Variants in ARHGAP26 observed in about 807,000 individuals in gnomAD.
ARHGAP26 encodes rho GTPase-activating protein 26.
In ARHGAP26, 38 loss-of-function variants were observed where a neutral mutation model predicts 104.8. The ratio of observed to expected loss-of-function variants is 0.36; its 90% CI spans 0.28 to 0.48. The LOEUF is 0.48. Ranked by LOEUF, ARHGAP26 falls within the 20% of genes least tolerant of loss-of-function variation. The probability of loss-of-function intolerance (pLI) is 0.99; values close to 1 mark genes in which losing one functional copy is unlikely to be tolerated. For synonymous variants in ARHGAP26, 341 were observed against 340.0 expected, an observed-to-expected ratio of 1.00 and a Z score of -0.03; for missense variants, 704 against 947.9, an observed-to-expected ratio of 0.74 and a Z score of 3.38.
intron 12 of ARHGAP26, among the ~76,000 whole-genome samples, chr5:143,016,806 G>C (rs1225465409): frequency 6.6e-6 from 1 of 151,958 alleles, no homozygotes; most frequent in Non-Finnish European, 1.5e-5. Context: ...CCAGTGTGAT[G>C]GTCTGGTTTA....
intron 1 of ARHGAP26, among the ~76,000 whole-genome samples, chr5:142,847,133 G>A (rs1462321316): frequency 6.6e-6 from 1 of 152,144 alleles, no homozygotes; most frequent in African/African-American, 2.4e-5. Flanking sequence ...TCTGTGAAAC[G>A]GGGATAACAG....
chr5:143,114,643 C>T (rs1172394354), intron 17 of ARHGAP26, among the ~76,000 whole-genome samples: 1 of 152,152 alleles, frequency 6.6e-6, no homozygotes, highest in East Asian at 1.9e-4. Flanking sequence ...GTTACCCACC[C>T]ACTTACCTAT....
chr5:143,077,665 T>TGACA (rs1789233447), intron 17 of ARHGAP26, among the ~76,000 whole-genome samples: 1 of 152,240 alleles, frequency 6.6e-6, no homozygotes, highest in African/African-American at 2.4e-5. Flanking sequence ...CTTGCACAGA[T>TGACA]GACAGGGCGC....
At position 143,134,021 on chromosome 5, in the gene ARHGAP26, C is replaced by T. The variant is rs762950382; in HGVS notation, c.1753C>T (p.Arg585Trp). Residue 585 changes from arginine to tryptophan, a missense_variant, in exon 19 of 23, where the codon CGG becomes TGG. Coordinates refer to ENST00000645722, the MANE Select transcript of ARHGAP26 (RefSeq NM_001135608.3). ...PLTNAQLHLS[R>W]KKSSDSKPPS... ...CACCAATGCCCAGCTGCACCTGTCT[C>T]GGAAGAAGAGCAGTGACTCCAAGCC... The T allele has an allele frequency of 1.1e-5, 18 of 1,612,970 alleles. No homozygotes were observed. The highest frequency in any genetic ancestry group is 1.1e-4 in the African/African-American group (8 of 74,810).
At chr5:142,830,416 G>C (rs905076164) in intron 1 of ARHGAP26, among the ~76,000 whole-genome samples, 2 of 152,146 alleles carry the variant, frequency 1.3e-5, no homozygotes, top group African/African-American at 2.4e-5. Flanking sequence ...GGTAGGAAGG[G>C]GAAGTGAAGG....
intron 17 of ARHGAP26, among the ~76,000 whole-genome samples, chr5:143,112,064 G>T (rs1794844587): frequency 6.6e-6 from 1 of 152,232 alleles, no homozygotes; most frequent in South Asian, 2.1e-4. Flanking sequence ...GGCAGTGAGG[G>T]AGGCTGATGA....
intron 1 of ARHGAP26, among the ~76,000 whole-genome samples, chr5:142,831,931 G>A (rs1321279496): frequency 6.6e-6 from 1 of 152,050 alleles, no homozygotes; most frequent in East Asian, 1.9e-4. Context: ...CCTCCTGTGT[G>A]TCTCTGTTTG....
chr5:142,779,099 T>C (rs188986712), intron 1 of ARHGAP26, among the ~76,000 whole-genome samples: 2 of 152,300 alleles, frequency 1.3e-5, no homozygotes, highest in Admixed American at 1.3e-4. Context: ...GCTTTGCCCA[T>C]ATCTAAGAGT....
At chr5:142,792,496 C>G (rs980503183) in intron 1 of ARHGAP26, among the ~76,000 whole-genome samples, 1 of 152,194 alleles carries the variant, frequency 6.6e-6, no homozygotes, top group Non-Finnish European at 1.5e-5. Context: ...CACAGATGCC[C>G]TGTTTGGCGA....
chr5:143,012,163 C>A (rs1313967429), intron 11 of ARHGAP26, among the ~76,000 whole-genome samples: 1 of 152,098 alleles, frequency 6.6e-6, no homozygotes, highest in Non-Finnish European at 1.5e-5. Context: ...GTACAGAAAC[C>A]TGTTCTCTTT....
intron 20 of ARHGAP26, among the ~76,000 whole-genome samples, chr5:143,204,782 G>A (rs895392160): frequency 1.6e-4 from 25 of 152,066 alleles, no homozygotes; most frequent in Admixed American, 1.3e-3. Context: ...GAAGCTGGAG[G>A]TGTTTCCTAC....
intron 1 of ARHGAP26, among the ~76,000 whole-genome samples, chr5:142,786,960 A>G (rs1002017038): frequency 6.6e-6 from 1 of 152,148 alleles, no homozygotes; most frequent in Non-Finnish European, 1.5e-5. Flanking sequence ...TTCTATAATT[A>G]TAGCTAAAAT....
chr5:143,053,987 T>C (rs544398870), intron 14 of ARHGAP26, among the ~76,000 whole-genome samples: 99 of 152,364 alleles, frequency 6.5e-4, no homozygotes, highest in African/African-American at 2.3e-3. Context: ...ATCATTCTTC[T>C]ATCGTTGGAC....
At chr5:142,899,637 C>T (rs1009134955) in intron 6 of ARHGAP26, among the ~76,000 whole-genome samples, 5 of 152,054 alleles carry the variant, frequency 3.3e-5, no homozygotes, top group Admixed American at 1.3e-4. Context: ...TCTGGAGTCC[C>T]GTGGGCTTCA....
chr5:143,136,764 C>A (rs1386976642), intron 19 of ARHGAP26, among the ~76,000 whole-genome samples: 1 of 152,198 alleles, frequency 6.6e-6, no homozygotes, highest in Non-Finnish European at 1.5e-5. Flanking sequence ...AGTTTTCACA[C>A]ACTTCACCTT....
chr5:142,842,890 G>A (rs1020035602), intron 1 of ARHGAP26, among the ~76,000 whole-genome samples: 1 of 152,164 alleles, frequency 6.6e-6, no homozygotes, highest in Non-Finnish European at 1.5e-5. Context: ...ACTAGTGATG[G>A]TATATTCTTG....
intron 20 of ARHGAP26, among the ~76,000 whole-genome samples, chr5:143,178,425 A>G (rs1012776968): frequency 1.3e-5 from 2 of 152,186 alleles, no homozygotes; most frequent in Non-Finnish European, 2.9e-5. Flanking sequence ...GAGGGTGACA[A>G]CTTTGCAAGA....
chr5:143,169,540 C>G (rs532745194), intron 20 of ARHGAP26: 6 of 152,318 alleles, frequency 3.9e-5, no homozygotes, highest in East Asian at 3.9e-4. Flanking sequence ...AAAGAGAGAG[C>G]CTCTTTTTCT....
intron 1 of ARHGAP26, among the ~76,000 whole-genome samples, chr5:142,865,478 G>GTTT (rs35950662): frequency 1.4e-3 from 163 of 117,216 alleles, no homozygotes; most frequent in African/African-American, 4.6e-3. Flanking sequence ...ACACGGAGAA[G>GTTT]TTTTTTTTTT....
Sources: gnomAD v4.1 joint callset for allele counts (sites outside exome capture counted in the v4.1 genomes callset) on GRCh38, gnomAD v4.1.1 for gene constraint, MANE v1.5 for transcripts, NCBI Gene and HGNC (gene_info 2026-07-23, HGNC 2026-07-21) for gene names.